SPOCK3: variants seen among roughly 807,000 people sequenced by gnomAD.
SPOCK3 encodes testican-3.
Under a neutral mutation model 56.6 loss-of-function variants are expected in SPOCK3, and 30 were observed. The ratio of observed to expected loss-of-function variants is 0.53; its 90% CI spans 0.40 to 0.72. The LOEUF (loss-of-function observed/expected upper bound fraction) is 0.72, where lower values mean the gene tolerates loss of function less well. Ranked by LOEUF, SPOCK3 falls within the 30% of genes least tolerant of loss-of-function variation. SPOCK3 has a pLI of 0.00. For missense variants in SPOCK3, 527 were observed against 530.0 expected, an observed-to-expected ratio of 0.99 and a Z score of 0.06; for synonymous variants, 196 against 183.3, an observed-to-expected ratio of 1.07 and a Z score of -0.56.
intron 4 of SPOCK3, among the ~76,000 whole-genome samples, chr4:166,999,165 CCTCT>C (rs956367263): frequency 6.6e-6 from 1 of 152,070 alleles, no homozygotes; most frequent in Non-Finnish European, 1.5e-5. Context: ...TCTCCTACTC[CCTCT>C]CTCTGTTCCA....
chr4:167,099,414 C>G (rs994609491), intron 2 of SPOCK3, among the ~76,000 whole-genome samples: 1 of 151,694 alleles, frequency 6.6e-6, no homozygotes, highest in Non-Finnish European at 1.5e-5. Flanking sequence ...TTTGATATAT[C>G]AAAATAATCT....
intron 4 of SPOCK3, among the ~76,000 whole-genome samples, chr4:166,982,532 A>G (rs113476962): frequency 0.012 from 1,837 of 152,282 alleles, 41 homozygotes; most frequent in African/African-American, 0.042. Flanking sequence ...AGCCTGGGCA[A>G]CAGAGCGAGA....
At chr4:166,786,787 C>T (rs370255756) in intron 7 of SPOCK3, among the ~76,000 whole-genome samples, 6 of 152,246 alleles carry the variant, frequency 3.9e-5, no homozygotes, top group South Asian at 4.1e-4. Context: ...TGGCCCTTGT[C>T]GTGGCCACTA....
chr4:166,860,817 G>GTGTATATATATATATATATATA (rs1731172715), intron 6 of SPOCK3, among the ~76,000 whole-genome samples: 2 of 31,164 alleles, frequency 6.4e-5, no homozygotes, highest in East Asian at 4.5e-3. Flanking sequence ...ATATATATAT[G>GTGTATATATATATATATATATA]TATATATATA....
intron 4 of SPOCK3, among the ~76,000 whole-genome samples, chr4:166,959,861 T>C: frequency 6.6e-6 from 1 of 152,186 alleles, no homozygotes; most frequent in East Asian, 1.9e-4. Context: ...TAAGTAAACA[T>C]AGAATTTAAT....
chr4:166,777,308 C>A (rs541866547), intron 7 of SPOCK3, among the ~76,000 whole-genome samples: 75 of 152,142 alleles, frequency 4.9e-4, no homozygotes, highest in African/African-American at 1.6e-3. Flanking sequence ...TAAACATTCC[C>A]AAGTTAGGTA....
At chr4:167,000,600 G>T (rs1326043501) in intron 3 of SPOCK3, 137 bp from the exon 4 acceptor site, 1 of 536,186 alleles carries the variant, frequency 1.9e-6, no homozygotes, top group Non-Finnish European at 3.3e-6. Flanking sequence ...TCTATTAAGA[G>T]AAACTTCTGC....
chr4:167,061,309 T>C (rs1755582649), intron 3 of SPOCK3, among the ~76,000 whole-genome samples: 1 of 152,038 alleles, frequency 6.6e-6, no homozygotes, highest in South Asian at 2.1e-4. Flanking sequence ...CATGTCATTA[T>C]TTTTTTATTG....
intron 7 of SPOCK3, among the ~76,000 whole-genome samples, chr4:166,780,596 A>T (rs561931057): frequency 1.3e-5 from 2 of 152,240 alleles, no homozygotes; most frequent in East Asian, 3.9e-4. Context: ...GATCCCTTGC[A>T]CCAAAGGAAA....
intron 6 of SPOCK3, among the ~76,000 whole-genome samples, chr4:166,808,446 T>TTCTC (rs149320907): frequency 7.5e-5 from 11 of 147,160 alleles, no homozygotes; most frequent in South Asian, 2.2e-4. Context: ...AAAGAAGAAA[T>TTCTC]TCTCTCTCTC....
At chr4:166,958,951 AAG>A (rs1743824099) in intron 4 of SPOCK3, among the ~76,000 whole-genome samples, 6 of 152,158 alleles carry the variant, frequency 3.9e-5, no homozygotes, top group Admixed American at 3.9e-4. Flanking sequence ...TGGGGAAGGG[AAG>A]AGAGTGACAG....
At chr4:167,187,093 C>CA (rs1732056471) in intron 2 of SPOCK3, among the ~76,000 whole-genome samples, 1 of 151,532 alleles carries the variant, frequency 6.6e-6, no homozygotes, top group African/African-American at 2.4e-5. Flanking sequence ...AAAACATATA[C>CA]AGTTAATAGA....
intron 4 of SPOCK3, among the ~76,000 whole-genome samples, chr4:166,918,815 G>A (rs907189042): frequency 6.6e-5 from 10 of 152,232 alleles, no homozygotes; most frequent in African/African-American, 2.2e-4. Context: ...CTGGGGGAAG[G>A]TGTTTGGGTC....
intron 2 of SPOCK3, among the ~76,000 whole-genome samples, chr4:167,216,803 T>C (rs780723598): frequency 1.3e-5 from 2 of 152,088 alleles, no homozygotes; most frequent in Admixed American, 6.6e-5. Context: ...AAAGTAACCA[T>C]AGATATCCTC....
intron 3 of SPOCK3, among the ~76,000 whole-genome samples, chr4:167,024,584 C>T (rs1397615473): frequency 1.3e-5 from 2 of 152,042 alleles, no homozygotes; most frequent in East Asian, 1.9e-4. Context: ...CTAAAATATT[C>T]TTCAATTTCA....
intron 6 of SPOCK3, among the ~76,000 whole-genome samples, chr4:166,828,464 G>A (rs1005090078): frequency 6.6e-6 from 1 of 151,874 alleles, no homozygotes; most frequent in Non-Finnish European, 1.5e-5. Context: ...ATAGGAATTA[G>A]ATAATATTGT....
At chr4:166,848,695 G>A (rs1748356367) in intron 6 of SPOCK3, among the ~76,000 whole-genome samples, 1 of 152,198 alleles carries the variant, frequency 6.6e-6, no homozygotes, top group Admixed American at 6.5e-5. Flanking sequence ...GAGCTTAAAT[G>A]TGAGGCGCTT....
intron 6 of SPOCK3, among the ~76,000 whole-genome samples, chr4:166,821,576 C>T (rs2126762767): frequency 6.6e-6 from 1 of 152,040 alleles, no homozygotes; most frequent in East Asian, 1.9e-4. Flanking sequence ...TGTAGTATAT[C>T]CATGCAATGA....
chr4:166,820,617 G>T lies in SPOCK3; in HGVS notation c.590-28328C>A, dbSNP rs148921484. Among the ~76,000 whole-genome samples, 280 of 152,006 alleles carry T rather than the reference G, an allele frequency of 1.8e-3. 3 individuals are homozygous for T. The highest frequency in any genetic ancestry group is 6.1e-3 in the African/African-American group (252 of 41,494). On this transcript the variant is annotated intron_variant, in intron 6 of 10. Coordinates refer to ENST00000357545, the MANE Select transcript of SPOCK3 (RefSeq NM_001040159.2). Reference sequence around the variant, plus strand: ...GGTTGAGTGAATCACTTGAGCCCAAGAATTTAAGACCAGCCTGGGCAACAT... The same window carrying T: ...GGTTGAGTGAATCACTTGAGCCCAATAATTTAAGACCAGCCTGGGCAACAT...
Sources: allele counts gnomAD v4.1 joint callset (sites outside exome capture counted in the v4.1 genomes callset), GRCh38; gene constraint gnomAD v4.1.1; transcripts MANE v1.5; gene names NCBI Gene and HGNC (gene_info 2026-07-23, HGNC 2026-07-21).